DMD: variants seen among roughly 807,000 people sequenced by gnomAD.
DMD encodes the protein mutant dystrophin.
DMD carries 63 observed loss-of-function variants against 330.1 expected under a neutral mutation model. The observed-to-expected ratio is 0.19, with a 90% confidence interval of 0.16 to 0.24. The LOEUF (loss-of-function observed/expected upper bound fraction) is 0.24. DMD is among the 10% of genes least tolerant of loss of function. DMD has a pLI of 1.00. For synonymous variants in DMD, 1,223 were observed against 959.8 expected (o/e 1.27, Z -5.07); for missense variants, 3,344 against 2,684.1 (o/e 1.25, Z -5.43).
At chrX:31,299,338 CT>C (rs918111127) in intron 62 of DMD, among the ~76,000 whole-genome samples, 1 of 111,274 alleles carries the variant, frequency 9.0e-6, no homozygotes, top group African/African-American at 3.3e-5. Flanking sequence ...TGAAAACTCT[CT>C]CTTTTAAATT....
intron 55 of DMD, among the ~76,000 whole-genome samples, chrX:31,528,365 G>A (rs2073411203): frequency 8.9e-6 from 1 of 112,100 alleles, no homozygotes; most frequent in Non-Finnish European, 1.9e-5. Context: ...ATAACATGAT[G>A]TCCTATTAAT....
chrX:32,076,352 G>C (rs1274564397), intron 44 of DMD, among the ~76,000 whole-genome samples: 2 of 107,184 alleles, frequency 1.9e-5, no homozygotes, highest in Admixed American at 1.0e-4. Flanking sequence ...TGGCCATAAA[G>C]GAAACATAAG....
chrX:31,122,638 C>G (rs1307172867), intron 78 of DMD, among the ~76,000 whole-genome samples: 1 of 111,717 alleles, frequency 9.0e-6, no homozygotes, highest in Non-Finnish European at 1.9e-5. Context: ...ATAAAAATTG[C>G]TTTACATTCC....
chrX:32,876,210 A>G (rs1374343238), intron 2 of DMD, among the ~76,000 whole-genome samples: 3 of 111,759 alleles, frequency 2.7e-5, no homozygotes, highest in Non-Finnish European at 5.6e-5. Context: ...CCTAAGACAT[A>G]AGTTATTTTC....
At chrX:32,512,771 C>G (rs1158326875) in intron 18 of DMD, among the ~76,000 whole-genome samples, 1 of 112,113 alleles carries the variant, frequency 8.9e-6, no homozygotes, top group African/African-American at 3.2e-5. Flanking sequence ...ACGAGAGAGA[C>G]AGCGCATCAC....
At chrX:32,687,327 A>AT (rs768032428) in intron 9 of DMD, among the ~76,000 whole-genome samples, 1 of 111,791 alleles carries the variant, frequency 8.9e-6, no homozygotes, top group Admixed American at 9.5e-5. Flanking sequence ...GACAGATTGT[A>AT]TTTTTTTAAG....
chrX:31,134,375 G>T lies in DMD; in HGVS notation c.10922-181C>A, dbSNP rs202180995. Among the ~76,000 whole-genome samples the T allele has an allele frequency of 2.8e-5, 3 of 107,664 alleles. No homozygotes were observed. The East Asian group carries it at 8.7e-4, about 31-fold the overall frequency. 93.5% of individuals were successfully genotyped at this position (107,664 alleles called of 115,157 possible). ...TTAAAGGGAAGAAGAAATCCATACA[G>T]TAGTTTATCTATATCATTACCCTTG... On this transcript the variant is annotated intron_variant, in intron 76 of 78. Transcript: ENST00000357033.
chrX:32,403,386 T>C (rs2098098227), intron 30 of DMD, among the ~76,000 whole-genome samples: 1 of 111,960 alleles, frequency 8.9e-6, no homozygotes, highest in South Asian at 3.7e-4. Context: ...CCATTAATTT[T>C]AATAATTTCA....
intron 1 of DMD, among the ~76,000 whole-genome samples, chrX:33,032,397 C>A (rs769920126): frequency 8.1e-5 from 9 of 111,694 alleles, no homozygotes; most frequent in African/African-American, 2.3e-4. Context: ...TTTTACAGAG[C>A]ATTAGCCTAT....
intron 55 of DMD, among the ~76,000 whole-genome samples, chrX:31,540,456 G>A (rs1276406416): frequency 8.9e-6 from 1 of 112,075 alleles, no homozygotes; most frequent in Non-Finnish European, 1.9e-5. Context: ...TTTCTAAACA[G>A]GAAATGATTT....
chrX:33,297,252 G>T (rs2053597433), intron 1 of DMD, among the ~76,000 whole-genome samples: 1 of 110,908 alleles, frequency 9.0e-6, no homozygotes, highest in South Asian at 3.7e-4. Flanking sequence ...ATAGTAGACA[G>T]ACTTTTTTTT....
intron 26 of DMD, among the ~76,000 whole-genome samples, chrX:32,452,380 AGGGAAAGGGAAAGGGAAG>A (rs2098334932): frequency 2.2e-4 from 4 of 17,905 alleles, no homozygotes; most frequent in African/African-American, 6.5e-4. Flanking sequence ...GGAAAGGGAA[AGGGAAAGGGAAAGGGAAG>A]GGAAAGGAAA....
chrX:31,579,918 A>G (rs777991884), intron 55 of DMD, among the ~76,000 whole-genome samples: 3 of 112,073 alleles, frequency 2.7e-5, no homozygotes, highest in African/African-American at 9.7e-5. Context: ...AGCTTAGAGG[A>G]CAATCTATTT....
intron 7 of DMD, among the ~76,000 whole-genome samples, chrX:32,753,184 C>T (rs1259622583): frequency 1.8e-5 from 2 of 111,419 alleles, no homozygotes; most frequent in East Asian, 5.7e-4. Context: ...CTTATTCCTC[C>T]AGATACAGAT....
At chrX:33,276,982 T>C (rs954297342) in intron 1 of DMD, among the ~76,000 whole-genome samples, 1 of 112,166 alleles carries the variant, frequency 8.9e-6, no homozygotes, top group Non-Finnish European at 1.9e-5. Flanking sequence ...TACGTATACA[T>C]TTGTGTGTGT....
rs192963364 is a variant in DMD, at chrX:31,121,348, T to C, written c.*571A>G. The C allele has an allele frequency of 2.4e-3, 289 of 119,945 alleles. 1 individual carries two copies. Among genetic ancestry groups the C allele is most frequent in the African/African-American group, 8.9e-3 (273 of 30,625 alleles). The allele number at this position is 119,945 out of a possible 1,213,427, so 9.9% of individuals were successfully genotyped here. Reference sequence around the variant, plus strand: ...GGTAGAGGAAGTCTTATCTTTAATATGCAAAAAAAGAAAAAGCCATGAATT... The same window carrying C: ...GGTAGAGGAAGTCTTATCTTTAATACGCAAAAAAAGAAAAAGCCATGAATT... On this transcript the variant is annotated 3_prime_UTR_variant, in exon 79 of 79. Coordinates refer to ENST00000357033, the MANE Select transcript of DMD (RefSeq NM_004006.3).
intron 7 of DMD, among the ~76,000 whole-genome samples, chrX:32,747,786 G>A (rs1251157454): frequency 1.8e-5 from 2 of 110,568 alleles, no homozygotes; most frequent in Non-Finnish European, 3.8e-5. Context: ...GGAGGAATCC[G>A]TTTTAACCAC....
At chrX:32,149,307 T>G (rs1398736701) in intron 44 of DMD, among the ~76,000 whole-genome samples, 1 of 111,752 alleles carries the variant, frequency 8.9e-6, no homozygotes, top group Non-Finnish European at 1.9e-5. Flanking sequence ...GTTCTTTGCA[T>G]AGGATATTAT....
Position 32,441,191 on chromosome X carries a change from C to T in DMD, c.3910G>A (p.Glu1304Lys). ...AATTTACAACTTACATCTAGCACCTCAGAGATTTCCTCAGCTCCGCCAGGA... is the reference window on the plus strand; with the variant it reads ...AATTTACAACTTACATCTAGCACCTTAGAGATTTCCTCAGCTCCGCCAGGA... The part of the protein sequence containing the change: ...NIPGGAEEIS[E>K]VLDSLENLMR... Residue 1304 changes from glutamate (E) to lysine (K), a missense_variant, in exon 28 of 79, where the codon GAG becomes AAG. Coordinates refer to ENST00000357033, the MANE Select transcript of DMD (RefSeq NM_004006.3). 1.7e-6 allele frequency: 2 copies of T among 1,209,329 alleles called. No individual in the cohort carries two copies. The highest frequency in any genetic ancestry group is 2.2e-6 in the Non-Finnish European group (2 of 893,744).
Sources: allele counts gnomAD v4.1 joint callset (sites outside exome capture counted in the v4.1 genomes callset), GRCh38; gene constraint gnomAD v4.1.1; transcripts MANE v1.5; gene names NCBI Gene and HGNC (gene_info 2026-07-23, HGNC 2026-07-21).